SMARCA2: variants seen among roughly 807,000 people sequenced by gnomAD.
SMARCA2 encodes SWI/SNF-related matrix-associated actin-dependent regulator of chromatin subfamily A member 2.
In SMARCA2, 61 loss-of-function variants were observed where a neutral mutation model predicts 199.8. That is an observed-to-expected ratio of 0.31 (90% CI 0.25 to 0.38). The LOEUF (loss-of-function observed/expected upper bound fraction) is 0.38. Among genes scored for constraint, SMARCA2 ranks in the 10% least tolerant of loss-of-function variants. SMARCA2 has a pLI of 1.00. For missense variants in SMARCA2, 1,344 were observed against 2,012.2 expected, an observed-to-expected ratio of 0.67 and a Z score of 6.35; for synonymous variants, 935 against 732.0, an observed-to-expected ratio of 1.28 and a Z score of -4.48.
intron 21 of SMARCA2, among the ~76,000 whole-genome samples, chr9:2,099,770 A>T (rs1822429578): frequency 6.6e-6 from 1 of 152,158 alleles, no homozygotes; most frequent in Admixed American, 6.5e-5. Flanking sequence ...CCAGATGCTG[A>T]GCCTCAAAAT....
intron 19 of SMARCA2, among the ~76,000 whole-genome samples, chr9:2,090,432 G>A (rs1207499409): frequency 1.3e-5 from 2 of 152,120 alleles, no homozygotes; most frequent in Admixed American, 6.5e-5. Flanking sequence ...GTCAGAGTAG[G>A]CATGGGTTTC....
intron 2 of SMARCA2, among the ~76,000 whole-genome samples, chr9:2,032,143 T>G (rs532131030): frequency 6.6e-6 from 1 of 152,346 alleles, no homozygotes; most frequent in Admixed American, 6.5e-5. Context: ...AGTCATTTGG[T>G]TTCTATAAAC....
At chr9:2,073,388 A>G (rs944850861) in intron 11 of SMARCA2, 46 bp downstream of exon 11, 10 of 1,609,698 alleles carry the variant, frequency 6.2e-6, no homozygotes, top group Non-Finnish European at 6.8e-6. Context: ...AGCTTTTTAG[A>G]TTTTGGTAAT....
chr9:2,188,293 T>C (rs577200577), intron 32 of SMARCA2, among the ~76,000 whole-genome samples: 5 of 152,254 alleles, frequency 3.3e-5, no homozygotes, highest in African/African-American at 1.2e-4. Flanking sequence ...TCCTGAGCAT[T>C]TTACCCATAG....
intron 5 of SMARCA2, among the ~76,000 whole-genome samples, chr9:2,053,478 C>G (rs1820215356): frequency 1.3e-5 from 2 of 152,154 alleles, no homozygotes; most frequent in South Asian, 2.1e-4. Flanking sequence ...TCTTTACTAG[C>G]TCTGTGGTAT....
intron 32 of SMARCA2, 105 bp downstream of exon 32, chr9:2,186,333 T>C (rs567569345): frequency 8.2e-7 from 1 of 1,213,712 alleles, no homozygotes; most frequent in Non-Finnish European, 1.1e-6. Flanking sequence ...CAGATCTGGA[T>C]TGGAGCCCTT....
At chr9:2,018,931 G>T (rs1408093611) in intron 1 of SMARCA2, among the ~76,000 whole-genome samples, 1 of 152,212 alleles carries the variant, frequency 6.6e-6, no homozygotes, top group South Asian at 2.1e-4. Flanking sequence ...GTTAAGAGGC[G>T]TGGCAGATTT....
chr9:2,097,765 T>C (rs1439517474), intron 21 of SMARCA2, among the ~76,000 whole-genome samples: 1 of 152,202 alleles, frequency 6.6e-6, no homozygotes, highest in Non-Finnish European at 1.5e-5. Flanking sequence ...GGGTAAGTAC[T>C]GTGAATTACC....
intron 2 of SMARCA2, among the ~76,000 whole-genome samples, chr9:2,030,050 G>A (rs1451812379): frequency 6.6e-6 from 1 of 152,232 alleles, no homozygotes; most frequent in African/African-American, 2.4e-5. Context: ...CATACTACCT[G>A]AAGGTTTTGC....
chr9:2,144,523 G>T (rs1202910205), intron 27 of SMARCA2, among the ~76,000 whole-genome samples: 1 of 152,152 alleles, frequency 6.6e-6, no homozygotes, highest in African/African-American at 2.4e-5. Flanking sequence ...AGGCAAGTAG[G>T]ATCCCCATGG....
intron 31 of SMARCA2, among the ~76,000 whole-genome samples, chr9:2,184,329 A>G (rs1198019668): frequency 6.7e-6 from 1 of 150,276 alleles, no homozygotes; most frequent in Admixed American, 6.7e-5. Context: ...AGATGGAAAC[A>G]TCTTGCAAAA....
chr9:2,136,755 G>A (rs1043648274), intron 27 of SMARCA2, among the ~76,000 whole-genome samples: 1 of 152,076 alleles, frequency 6.6e-6, no homozygotes, highest in African/African-American at 2.4e-5. Context: ...GTCAAGAGCA[G>A]GTCTCCAAGT....
At chr9:2,061,182 A>C (rs901352505) in intron 9 of SMARCA2, among the ~76,000 whole-genome samples, 196 bp downstream of exon 9, 11 of 152,366 alleles carry the variant, frequency 7.2e-5, no homozygotes, top group African/African-American at 2.6e-4. Context: ...GTAAGGGCAT[A>C]ATAATGGGAT....
intron 28 of SMARCA2, among the ~76,000 whole-genome samples, chr9:2,163,632 A>C (rs115930753): frequency 1.3e-5 from 2 of 152,152 alleles, no homozygotes; most frequent in Admixed American, 6.5e-5. Flanking sequence ...ATATACATCA[A>C]ACTTTTTTGC....
intron 27 of SMARCA2, among the ~76,000 whole-genome samples, chr9:2,140,364 G>C (rs1824403497): frequency 6.6e-6 from 1 of 152,182 alleles, no homozygotes; most frequent in South Asian, 2.1e-4. Context: ...ATATTGTGAA[G>C]TCCAGCAGAC....
chr9:2,134,090 A>G (rs1431826569), intron 27 of SMARCA2, among the ~76,000 whole-genome samples: 1 of 152,238 alleles, frequency 6.6e-6, no homozygotes, highest in Non-Finnish European at 1.5e-5. Context: ...GCTATTAAGA[A>G]AAAGTTTCCA....
chr9:2,145,944 C>T (rs912241489), intron 27 of SMARCA2, among the ~76,000 whole-genome samples: 7 of 152,038 alleles, frequency 4.6e-5, no homozygotes, highest in East Asian at 1.9e-4. Context: ...ACATCCCAGG[C>T]GAGAAGTAAG....
chr9:2,171,312 C>A (rs1247718816), intron 29 of SMARCA2, among the ~76,000 whole-genome samples: 3 of 152,134 alleles, frequency 2.0e-5, no homozygotes, highest in Non-Finnish European at 4.4e-5. Context: ...CCAATAACAT[C>A]CTTTACAACA....
chr9:2,102,309 C>G (rs939433018), intron 22 of SMARCA2, among the ~76,000 whole-genome samples: 12 of 152,150 alleles, frequency 7.9e-5, no homozygotes, highest in African/African-American at 2.9e-4. Flanking sequence ...CCTCTCCTTG[C>G]CTCTCTCTTC....
Sources: allele counts gnomAD v4.1 joint callset (sites outside exome capture counted in the v4.1 genomes callset), GRCh38; gene constraint gnomAD v4.1.1; transcripts MANE v1.5; gene names NCBI Gene and HGNC (gene_info 2026-07-23, HGNC 2026-07-21).